The following WLS variants were observed in gnomAD, a reference collection of about 807,000 sequenced individuals.
WLS encodes protein wntless homolog.
WLS carries 23 observed loss-of-function variants against 62.8 expected under a neutral mutation model. The ratio of observed to expected loss-of-function variants is 0.37; its 90% confidence interval spans 0.26 to 0.52. The LOEUF (loss-of-function observed/expected upper bound fraction) is 0.52. WLS is among the 20% of genes least tolerant of loss of function. The pLI is 0.92. For synonymous variants in WLS, 246 were observed against 244.1 expected (o/e 1.01, Z -0.07); for missense variants, 615 against 697.3 (o/e 0.88, Z 1.33).
intron 1 of WLS, among the ~76,000 whole-genome samples, chr1:68,201,612 T>C (rs1649022643): frequency 6.6e-6 from 1 of 152,270 alleles, no homozygotes; most frequent in Non-Finnish European, 1.5e-5. Flanking sequence ...TATGCCCTTG[T>C]GCATGAAATG....
chr1:68,136,440 C>G (rs773360340), intron 11 of WLS, among the ~76,000 whole-genome samples: 9 of 152,140 alleles, frequency 5.9e-5, no homozygotes, highest in African/African-American at 2.2e-4. Context: ...CTTAGGACAA[C>G]AGTTTCAAGA....
intron 2 of WLS, among the ~76,000 whole-genome samples, chr1:68,182,573 C>A (rs1293161763): frequency 6.6e-6 from 1 of 152,184 alleles, no homozygotes; most frequent in African/African-American, 2.4e-5. Flanking sequence ...TGGTAACTTC[C>A]AGGTTCCAGC....
chr1:68,186,200 AG>A (rs1647927985), intron 2 of WLS, among the ~76,000 whole-genome samples: 1 of 152,200 alleles, frequency 6.6e-6, no homozygotes, highest in Non-Finnish European at 1.5e-5. Context: ...CAGCTTCTAT[AG>A]TGTAAGTCAA....
At chr1:68,109,627 G>C (rs1646194608) in intron 11 of WLS, among the ~76,000 whole-genome samples, 1 of 152,120 alleles carries the variant, frequency 6.6e-6, no homozygotes, top group South Asian at 2.1e-4. Flanking sequence ...TAAAACAGCA[G>C]AGGAAAGAAT....
chr1:68,147,325 T>C (rs978918993), intron 8 of WLS, among the ~76,000 whole-genome samples: 4 of 152,140 alleles, frequency 2.6e-5, no homozygotes, highest in Non-Finnish European at 5.9e-5. Context: ...GGGTAGAGCT[T>C]CTCTCTCATC....
At chr1:68,213,327 T>C (rs1160394741) in intron 1 of WLS, among the ~76,000 whole-genome samples, 1 of 151,700 alleles carries the variant, frequency 6.6e-6, no homozygotes, top group African/African-American at 2.4e-5. Flanking sequence ...GGTAGGCGCC[T>C]GTAATCCCAG....
intron 1 of WLS, chr1:68,231,864 G>GT: frequency 3.2e-6 from 1 of 310,878 alleles, no homozygotes. Flanking sequence ...AAGCGGGGGG[G>GT]GGGGGGGGCG....
intron 2 of WLS, among the ~76,000 whole-genome samples, chr1:68,171,821 C>G (rs906227397): frequency 1.3e-5 from 2 of 152,042 alleles, no homozygotes; most frequent in Non-Finnish European, 2.9e-5. Flanking sequence ...GGGTATATAC[C>G]CAAAGGATTA....
intron 1 of WLS, among the ~76,000 whole-genome samples, chr1:68,211,435 A>C (rs1649512146): frequency 6.6e-6 from 1 of 152,172 alleles, no homozygotes; most frequent in African/African-American, 2.4e-5. Flanking sequence ...AAGAACACCT[A>C]AGAGAATTTT....
At chr1:68,148,776 T>G (rs1570892890) in intron 6 of WLS, 116 bp from the exon 7 acceptor site, 2 of 856,760 alleles carry the variant, frequency 2.3e-6, no homozygotes, top group East Asian at 5.6e-5. Flanking sequence ...TCAAGCACTA[T>G]GCTAGATTCT....
intron 10 of WLS, chr1:68,141,295 G>A (rs1039302290): frequency 6.6e-6 from 1 of 152,186 alleles, no homozygotes; most frequent in Non-Finnish European, 1.5e-5. Flanking sequence ...GGAGTTTGCT[G>A]CATGTGGCTT....
At chr1:68,184,346 C>T (rs968455054) in intron 2 of WLS, among the ~76,000 whole-genome samples, 2 of 152,114 alleles carry the variant, frequency 1.3e-5, no homozygotes, top group South Asian at 2.1e-4. Context: ...CAGTGGGTAC[C>T]GTTTTAGCCA....
chr1:68,114,855 C>T (rs1034013637), intron 11 of WLS, among the ~76,000 whole-genome samples: 1 of 152,218 alleles, frequency 6.6e-6, no homozygotes, highest in African/African-American at 2.4e-5. Context: ...GGGGGTGCCA[C>T]TTAGGTGTGA....
chr1:68,219,367 C>T (rs1649855877), intron 1 of WLS, among the ~76,000 whole-genome samples: 1 of 152,170 alleles, frequency 6.6e-6, no homozygotes, highest in Non-Finnish European at 1.5e-5. Flanking sequence ...ACCTTAGTTT[C>T]CACAATATAA....
At chr1:68,177,072 A>G (rs892775085) in intron 2 of WLS, among the ~76,000 whole-genome samples, 11 of 152,172 alleles carry the variant, frequency 7.2e-5, no homozygotes, top group African/African-American at 2.7e-4. Context: ...AAATATTTTA[A>G]TTTACATGCT....
rs775725554 is a variant in WLS, at chr1:68,137,867, T to G, written c.1429A>C (p.Ile477Leu). ...VQVNSAFFTG[I>L]YGMWNLYVFA... ...ACATACAGATTCCACATCCCATAGA[T>G]GCCTGTGAAAAAGGCACTGTTCACT... Residue 477 changes from isoleucine to leucine, a missense_variant, in exon 11 of 12, where the codon ATC becomes CTC. By Grantham distance (5) the Ile-to-Leu change is conservative (BLOSUM62 2). Coordinates refer to ENST00000262348, the MANE Select transcript of WLS (RefSeq NM_024911.7). 4 of 1,613,936 alleles carry G rather than the reference T, an allele frequency of 2.5e-6. No homozygotes were observed. The South Asian group carries it at 4.4e-5, about 18-fold the overall frequency.
At chr1:68,162,000 T>C (rs1415250057) in intron 2 of WLS, 4 of 1,601,398 alleles carry the variant, frequency 2.5e-6, no homozygotes, top group Non-Finnish European at 3.4e-6. Context: ...AAGGCGCTGA[T>C]GTGACAGAGA....
At chr1:68,201,779 A>C (rs1649031345) in intron 1 of WLS, among the ~76,000 whole-genome samples, 1 of 152,234 alleles carries the variant, frequency 6.6e-6, no homozygotes, top group Non-Finnish European at 1.5e-5. Flanking sequence ...CATACTACAT[A>C]GCAGAGTTGA....
At position 68,213,506 on chromosome 1, in the gene WLS, T is replaced by C. The variant is rs1024493532; in HGVS notation, c.106+18688A>G. On this transcript the variant is annotated intron_variant, in intron 1 of 11. Coordinates refer to ENST00000262348, the MANE Select transcript of WLS (RefSeq NM_024911.7). Reference sequence around the variant, plus strand: ...AGGAAGCATGAGGGATTCAATGATATACCAAAGAGATAAATGGGGCTAGAG... The same window carrying C: ...AGGAAGCATGAGGGATTCAATGATACACCAAAGAGATAAATGGGGCTAGAG... Among the ~76,000 whole-genome samples the C allele has an allele frequency of 1.8e-4, 27 of 146,376 alleles. 1 individual carries two copies. The highest frequency in any genetic ancestry group is 3.6e-4 in the Non-Finnish European group (24 of 66,446).
Sources: gnomAD v4.1 joint callset for allele counts (sites outside exome capture counted in the v4.1 genomes callset) on GRCh38, gnomAD v4.1.1 for gene constraint, MANE v1.5 for transcripts, NCBI Gene and HGNC (gene_info 2026-07-23, HGNC 2026-07-21) for gene names.